Variants in IL1RAPL2 observed in about 807,000 individuals in gnomAD.
IL1RAPL2 encodes X-linked interleukin-1 receptor accessory protein-like 2.
IL1RAPL2 carries 3 observed loss-of-function variants against 44.1 expected under a neutral mutation model. That is an observed-to-expected ratio of 0.07 (90% CI 0.03 to 0.18). IL1RAPL2 has a LOEUF of 0.18. Among genes scored for constraint, IL1RAPL2 ranks in the 10% least tolerant of loss-of-function variants. The pLI is 1.00. For synonymous variants in IL1RAPL2, 181 were observed against 178.8 expected, an observed-to-expected ratio of 1.01 and a Z score of -0.10; for missense variants, 391 against 496.4, an observed-to-expected ratio of 0.79 and a Z score of 2.02.
chrX:104,640,648 G>A (rs767385761), intron 1 of IL1RAPL2, among the ~76,000 whole-genome samples: 4 of 111,923 alleles, frequency 3.6e-5, no homozygotes, highest in Non-Finnish European at 7.5e-5. Flanking sequence ...TGCTTTCATA[G>A]GGGAGTACTT....
chrX:104,765,226 GA>G (rs1932535389), intron 2 of IL1RAPL2, among the ~76,000 whole-genome samples: 1 of 111,161 alleles, frequency 9.0e-6, no homozygotes, highest in Non-Finnish European at 1.9e-5. Flanking sequence ...TTTTATTATG[GA>G]TTCAATCTTG....
intron 2 of IL1RAPL2, among the ~76,000 whole-genome samples, chrX:104,848,454 T>C (rs1922127157): frequency 1.1e-5 from 1 of 89,873 alleles, no homozygotes; most frequent in African/African-American, 4.1e-5. Flanking sequence ...TATATATAAC[T>C]TAAACAATCT....
chrX:105,168,368 A>G (rs1346113983), intron 2 of IL1RAPL2, among the ~76,000 whole-genome samples: 1 of 108,565 alleles, frequency 9.2e-6, no homozygotes, highest in African/African-American at 3.4e-5. Flanking sequence ...GGATTAAATG[A>G]GTCATTGTAT....
intron 1 of IL1RAPL2, among the ~76,000 whole-genome samples, chrX:104,638,363 A>G (rs747546337): frequency 2.7e-5 from 3 of 110,687 alleles, no homozygotes; most frequent in East Asian, 2.9e-4. Context: ...TCTCTATTTC[A>G]TTTAGTTCTG....
At chrX:105,184,061 G>A (rs2033560281) in intron 2 of IL1RAPL2, among the ~76,000 whole-genome samples, 1 of 111,581 alleles carries the variant, frequency 9.0e-6, no homozygotes, top group Non-Finnish European at 1.9e-5. Flanking sequence ...AGGAGATCAT[G>A]GTGGGAATGT....
chrX:104,613,164 A>G (rs1320300579), intron 1 of IL1RAPL2, among the ~76,000 whole-genome samples: 1 of 111,636 alleles, frequency 9.0e-6, no homozygotes, highest in Non-Finnish European at 1.9e-5. Flanking sequence ...TGTCTTTTAT[A>G]TCTTTCTCTT....
At chrX:105,755,682 C>T (rs1431718572) in intron 10 of IL1RAPL2, among the ~76,000 whole-genome samples, 2 of 111,636 alleles carry the variant, frequency 1.8e-5, no homozygotes, top group Admixed American at 9.5e-5. Flanking sequence ...CAAAGCTGGT[C>T]TTCTGTCACT....
intron 6 of IL1RAPL2, among the ~76,000 whole-genome samples, chrX:105,557,817 A>AC (rs2036906973): frequency 9.0e-6 from 1 of 111,712 alleles, no homozygotes; most frequent in African/African-American, 3.2e-5. Flanking sequence ...CAGTAGAAAA[A>AC]AAATGTGTTA....
At chrX:104,798,382 G>A (rs1932863928) in intron 2 of IL1RAPL2, among the ~76,000 whole-genome samples, 1 of 110,624 alleles carries the variant, frequency 9.0e-6, no homozygotes, top group South Asian at 3.9e-4. Flanking sequence ...TGATAGGCCA[G>A]TTGCTGTGGC....
At chrX:105,226,460 T>G (rs1383609826) in intron 3 of IL1RAPL2, among the ~76,000 whole-genome samples, 2 of 97,320 alleles carry the variant, frequency 2.1e-5, no homozygotes, top group African/African-American at 7.6e-5. Flanking sequence ...TGCAATGGTG[T>G]GATCTCAGCT....
At chrX:105,422,646 C>T (rs1229040042) in intron 5 of IL1RAPL2, among the ~76,000 whole-genome samples, 1 of 111,524 alleles carries the variant, frequency 9.0e-6, no homozygotes, top group Non-Finnish European at 1.9e-5. Context: ...GCCAATAGCT[C>T]AAAAGAAAAG....
At chrX:104,673,221 A>G (rs1161511727) in intron 2 of IL1RAPL2, among the ~76,000 whole-genome samples, 1 of 111,577 alleles carries the variant, frequency 9.0e-6, no homozygotes, top group Non-Finnish European at 1.9e-5. Context: ...TAGGGTTTTT[A>G]TGGTTTTAGG....
intron 2 of IL1RAPL2, among the ~76,000 whole-genome samples, chrX:104,950,119 A>T (rs1306215259): frequency 1.8e-5 from 2 of 111,605 alleles, no homozygotes; most frequent in Non-Finnish European, 3.8e-5. Context: ...TTGGGTGCGT[A>T]TATATTTAGG....
intron 2 of IL1RAPL2, among the ~76,000 whole-genome samples, chrX:105,030,472 A>T (rs1050980468): frequency 1.4e-4 from 16 of 112,120 alleles, no homozygotes; most frequent in African/African-American, 4.5e-4. Flanking sequence ...ATGGCTAGCC[A>T]GTTATCCCAG....
intron 2 of IL1RAPL2, among the ~76,000 whole-genome samples, chrX:104,983,507 TATA>T (rs1369911904): frequency 5.3e-4 from 52 of 98,814 alleles, no homozygotes; most frequent in African/African-American, 1.9e-3. Flanking sequence ...CATAATATTA[TATA>T]ATATTATATT....
intron 1 of IL1RAPL2, among the ~76,000 whole-genome samples, chrX:104,572,555 A>G (rs1014482425): frequency 9.0e-6 from 1 of 111,143 alleles, no homozygotes; most frequent in Non-Finnish European, 1.9e-5. Flanking sequence ...TCCCTAATTT[A>G]TCTCTCATAC....
intron 2 of IL1RAPL2, among the ~76,000 whole-genome samples, chrX:104,906,774 G>T (rs1439651810): frequency 9.0e-6 from 1 of 111,393 alleles, no homozygotes; most frequent in Admixed American, 9.5e-5. Context: ...TGTCTTTTTT[G>T]GTTGTGTCTC....
At chrX:104,989,936 T>C (rs1057362630) in intron 2 of IL1RAPL2, among the ~76,000 whole-genome samples, 2 of 111,920 alleles carry the variant, frequency 1.8e-5, no homozygotes, top group African/African-American at 3.2e-5. Context: ...CTCCTGCCTT[T>C]AATAAGCTGT....
At chrX:105,162,522 G>A (rs764983546) in intron 2 of IL1RAPL2, among the ~76,000 whole-genome samples, 25 of 111,966 alleles carry the variant, frequency 2.2e-4, no homozygotes, top group African/African-American at 3.2e-4. Flanking sequence ...TTCAAATAAT[G>A]TTAGGACAAA....
Sources: gnomAD v4.1 joint callset for allele counts (sites outside exome capture counted in the v4.1 genomes callset) on GRCh38, gnomAD v4.1.1 for gene constraint, MANE v1.5 for transcripts, NCBI Gene and HGNC (gene_info 2026-07-23, HGNC 2026-07-21) for gene names.